Variants in HDAC9 observed in about 807,000 individuals in gnomAD.
The protein encoded by HDAC9 is histone deacetylase 9, also known as MEF-2 interacting transcription repressor (MITR) protein.
In HDAC9, 41 loss-of-function variants were observed where a neutral mutation model predicts 139.4. The ratio of observed to expected loss-of-function variants is 0.29; its 90% confidence interval spans 0.23 to 0.38. The LOEUF (loss-of-function observed/expected upper bound fraction) is 0.38. HDAC9 is among the 10% of genes least tolerant of loss of function. The pLI, the probability that HDAC9 is intolerant of heterozygous loss-of-function variation, is 1.00. For missense variants in HDAC9, 1,147 were observed against 1,297.0 expected, an observed-to-expected ratio of 0.88 and a Z score of 1.78; for synonymous variants, 517 against 476.2, an observed-to-expected ratio of 1.09 and a Z score of -1.12.
At chr7:18,804,844 GT>G (rs1364595055) in intron 17 of HDAC9, among the ~76,000 whole-genome samples, 4 of 152,142 alleles carry the variant, frequency 2.6e-5, no homozygotes, top group Admixed American at 6.5e-5. Context: ...ACCCAGGCTG[GT>G]GTGCAGGGGC....
intron 2 of HDAC9, among the ~76,000 whole-genome samples, chr7:18,271,841 T>G (rs1796377242): frequency 6.6e-6 from 1 of 152,162 alleles, no homozygotes; most frequent in Non-Finnish European, 1.5e-5. Flanking sequence ...TCACGTCCTG[T>G]TCACCACAGT....
chr7:18,333,783 ATAAAGT>A (rs1011853807), intron 1 of HDAC9, among the ~76,000 whole-genome samples: 1 of 151,538 alleles, frequency 6.6e-6, no homozygotes, highest in Admixed American at 6.6e-5. Context: ...ATGATAAAAT[ATAAAGT>A]TAAAGAATCA....
intron 1 of HDAC9, among the ~76,000 whole-genome samples, chr7:18,474,522 T>C (rs1343771069): frequency 6.6e-6 from 1 of 152,222 alleles, no homozygotes; most frequent in East Asian, 1.9e-4. Context: ...TATTTTATTA[T>C]CTTTGAACTA....
chr7:18,172,572 T>C (rs955181226), intron 2 of HDAC9, among the ~76,000 whole-genome samples: 8 of 152,262 alleles, frequency 5.3e-5, no homozygotes, highest in African/African-American at 1.9e-4. Flanking sequence ...TTTCTTGCTT[T>C]CTTTTGTGGG....
At chr7:18,361,059 C>T (rs544183122) in intron 1 of HDAC9, among the ~76,000 whole-genome samples, 4 of 152,158 alleles carry the variant, frequency 2.6e-5, no homozygotes, top group Non-Finnish European at 5.9e-5. Flanking sequence ...TGTTTCTCCT[C>T]TTCTGAGAAT....
chr7:18,183,907 A>G (rs1275886541), intron 2 of HDAC9, among the ~76,000 whole-genome samples: 1 of 152,152 alleles, frequency 6.6e-6, no homozygotes, highest in Non-Finnish European at 1.5e-5. Context: ...TTTTCATTCT[A>G]CCATTCTCAC....
At chr7:18,449,763 ATGTTT>A (rs1030225692) in intron 1 of HDAC9, among the ~76,000 whole-genome samples, 2 of 152,148 alleles carry the variant, frequency 1.3e-5, no homozygotes, top group African/African-American at 4.8e-5. Context: ...TACTTTTTAA[ATGTTT>A]TGTTTAATTT....
At chr7:18,617,885 T>A (rs1194199852) in intron 6 of HDAC9, among the ~76,000 whole-genome samples, 1 of 152,202 alleles carries the variant, frequency 6.6e-6, no homozygotes, top group African/African-American at 2.4e-5. Flanking sequence ...TTTTAAGAAT[T>A]TAATTTGCAA....
chr7:18,965,807 G>A (rs956785630), intron 24 of HDAC9, among the ~76,000 whole-genome samples: 1 of 152,176 alleles, frequency 6.6e-6, no homozygotes, highest in African/African-American at 2.4e-5. Context: ...AAACTCTCCA[G>A]GGGCACTGAA....
At chr7:18,604,238 C>A (rs1301957900) in intron 6 of HDAC9, among the ~76,000 whole-genome samples, 1 of 152,008 alleles carries the variant, frequency 6.6e-6, no homozygotes, top group African/African-American at 2.4e-5. Flanking sequence ...TTGCTATTCC[C>A]ATTAGGAATA....
chr7:18,639,125 G>T (rs1404209795), intron 8 of HDAC9, among the ~76,000 whole-genome samples: 2 of 152,014 alleles, frequency 1.3e-5, no homozygotes, highest in Non-Finnish European at 1.5e-5. Context: ...TTTAAAAAAG[G>T]ATTCTAATAA....
intron 1 of HDAC9, among the ~76,000 whole-genome samples, chr7:18,113,302 A>T (rs891529577): frequency 1.3e-5 from 2 of 152,234 alleles, no homozygotes; most frequent in Non-Finnish European, 2.9e-5. Context: ...ATGCTGATTT[A>T]ATCTCTGAAC....
At chr7:18,361,473 C>T (rs1299015671) in intron 1 of HDAC9, among the ~76,000 whole-genome samples, 1 of 152,074 alleles carries the variant, frequency 6.6e-6, no homozygotes, top group Non-Finnish European at 1.5e-5. Flanking sequence ...ACCACTGCAC[C>T]TCAAGAAGAC....
intron 2 of HDAC9, among the ~76,000 whole-genome samples, chr7:18,532,395 G>C (rs1336379025): frequency 6.6e-6 from 1 of 152,182 alleles, no homozygotes; most frequent in East Asian, 1.9e-4. Context: ...TCTAAAGCAA[G>C]ATTAATGCAT....
chr7:18,216,880 A>G (rs1000099999), intron 2 of HDAC9, among the ~76,000 whole-genome samples: 2 of 152,186 alleles, frequency 1.3e-5, no homozygotes, highest in African/African-American at 4.8e-5. Context: ...CACCTATAAT[A>G]TTGTCATTTG....
chr7:18,831,918 A>G (rs1245541518), intron 19 of HDAC9, among the ~76,000 whole-genome samples: 1 of 152,256 alleles, frequency 6.6e-6, no homozygotes, highest in East Asian at 1.9e-4. Context: ...TTTGTCCAGC[A>G]GTTTCAGCAT....
chr7:18,223,975 G>A (rs544490697), intron 2 of HDAC9, among the ~76,000 whole-genome samples: 51 of 152,024 alleles, frequency 3.4e-4, no homozygotes, highest in Non-Finnish European at 2.2e-4. Flanking sequence ...CACAATTATC[G>A]TCATTACAAT....
chr7:18,744,876 G>A (rs1478949192), intron 13 of HDAC9, among the ~76,000 whole-genome samples: 2 of 151,746 alleles, frequency 1.3e-5, no homozygotes, highest in African/African-American at 2.4e-5. Context: ...TATATAATAC[G>A]TATTTTCTAC....
chr7:18,836,388 T>C (rs1796239145), intron 21 of HDAC9, among the ~76,000 whole-genome samples: 1 of 152,184 alleles, frequency 6.6e-6, no homozygotes, highest in Non-Finnish European at 1.5e-5. Context: ...GACTACAGAA[T>C]CCCTTTTTTA....
Sources: gnomAD v4.1 joint callset for allele counts (sites outside exome capture counted in the v4.1 genomes callset) on GRCh38, gnomAD v4.1.1 for gene constraint, MANE v1.5 for transcripts, NCBI Gene and HGNC (gene_info 2026-07-23, HGNC 2026-07-21) for gene names.